Variants in ATP13A3 observed in about 807,000 individuals in gnomAD.
ATP13A3 encodes polyamine-transporting ATPase 13A3.
In ATP13A3, 59 loss-of-function variants were observed where a neutral mutation model predicts 158.1. The ratio of observed to expected loss-of-function variants is 0.37; its 90% CI spans 0.30 to 0.46. ATP13A3 has a LOEUF of 0.46. ATP13A3 is among the 20% of genes least tolerant of loss of function. The pLI, the probability that ATP13A3 is intolerant of heterozygous loss-of-function variation, is 1.00. For missense variants in ATP13A3, 1,166 were observed against 1,525.2 expected (o/e 0.76, Z 3.92); for synonymous variants, 491 against 504.3 (o/e 0.97, Z 0.35).
rs1714803925 is a variant in ATP13A3, at chr3:194,404,467, G to C, written c.*1452C>G. On this transcript the variant is annotated 3_prime_UTR_variant, in exon 34 of 34. Transcript: ENST00000645319. ...GGAAAAGAATGATCAGCTAGAAGTA[G>C]AAAGCACGAGCAAGCATGTTACTGG... 1 of 190,328 alleles carries C rather than the reference G, an allele frequency of 5.3e-6. No homozygotes were observed. The allele number at this position is 190,328 out of a possible 1,614,324, so 11.8% of individuals were successfully genotyped here.
At chr3:194,413,284 G>A (rs1715571386) in intron 32 of ATP13A3, among the ~76,000 whole-genome samples, 1 of 152,136 alleles carries the variant, frequency 6.6e-6, no homozygotes, top group African/African-American at 2.4e-5. Context: ...GCTGAAATTA[G>A]GTAAGTCCAT....
chr3:194,417,670 G>A (rs1715963912), intron 31 of ATP13A3, among the ~76,000 whole-genome samples: 1 of 152,118 alleles, frequency 6.6e-6, no homozygotes, highest in African/African-American at 2.4e-5. Context: ...CAGGCGCCAT[G>A]GCTCATGCCT....
chr3:194,416,234 T>G (rs1038394959), intron 31 of ATP13A3, among the ~76,000 whole-genome samples: 16 of 151,990 alleles, frequency 1.1e-4, no homozygotes, highest in African/African-American at 2.9e-4. Context: ...CCACGGTGGG[T>G]GGATCGTGAG....
intron 33 of ATP13A3, among the ~76,000 whole-genome samples, chr3:194,408,374 T>C (rs915476926): frequency 3.3e-5 from 5 of 152,184 alleles, no homozygotes; most frequent in Non-Finnish European, 1.5e-5. Context: ...AATAAACTAA[T>C]GTTGACTGCT....
chr3:194,454,770 A>G (rs977469204), intron 8 of ATP13A3, among the ~76,000 whole-genome samples: 2 of 151,454 alleles, frequency 1.3e-5, no homozygotes, highest in African/African-American at 4.9e-5. Context: ...CAGAGCTTGC[A>G]GTGAGCCGAG....
rs1186662247 is a variant in ATP13A3, at chr3:194,403,531, C to A, written c.*2388G>T. On this transcript the variant is annotated 3_prime_UTR_variant, in exon 34 of 34. Coordinates refer to ENST00000645319, the MANE Select transcript of ATP13A3 (RefSeq NM_001367549.1). Reference sequence around the variant, plus strand: ...TATCATTATTTAACAATTACTTTCCCAGACATTTCTGTCCTTTAAGTATGT... The same window carrying A: ...TATCATTATTTAACAATTACTTTCCAAGACATTTCTGTCCTTTAAGTATGT... 2 of 152,152 alleles carry A rather than the reference C, an allele frequency of 1.3e-5. No homozygotes were observed. The highest frequency in any genetic ancestry group is 2.9e-5 in the Non-Finnish European group (2 of 68,014). 9.4% of individuals were successfully genotyped at this position (152,152 alleles called of 1,614,324 possible).
chr3:194,484,141 T>C (rs1342351329), intron 2 of ATP13A3, among the ~76,000 whole-genome samples: 1 of 152,216 alleles, frequency 6.6e-6, no homozygotes, highest in Non-Finnish European at 1.5e-5. Context: ...ACTAACCTTA[T>C]AAACCCAGAG....
chr3:194,427,647 A>C (rs1030479259), intron 28 of ATP13A3, among the ~76,000 whole-genome samples: 1,217 of 112,752 alleles, frequency 0.011, 10 homozygotes, highest in Admixed American at 0.014. Context: ...ATAAATAAAT[A>C]AATAAATAAA....
intron 2 of ATP13A3, among the ~76,000 whole-genome samples, chr3:194,476,159 C>T (rs977508969): frequency 1.3e-5 from 2 of 152,190 alleles, no homozygotes; most frequent in African/African-American, 4.8e-5. Flanking sequence ...TCACATTACA[C>T]TAGCCTGGGT....
At position 194,448,493 on chromosome 3, in the gene ATP13A3, T is replaced by C. The variant is rs758815617; in HGVS notation, c.1114A>G (p.Thr372Ala). Residue 372 changes from threonine (T) to alanine (A), a missense_variant, in exon 12 of 34, where the codon ACT becomes GCT. Around this residue, in one of 3 missense-constraint regions of ATP13A3, gnomAD observed 997 missense variants for 1,341.2 expected, o/e 0.74. Transcript: ENST00000645319. This position sits in a 1 kb window ranked among gnomAD's most constrained non-coding sequence, Gnocchi z 4.0. The part of the protein sequence containing the change: ...GTTVIQTRFY[T>A]GELVKAIVVR... ...ACTATGGCTTTGACGAGTTCTCCAG[T>C]GTAGAAACGAGTCTGAATAACAGTT... 1.5e-5 allele frequency: 25 copies of C among 1,614,040 alleles called. No individual in the cohort carries two copies. The highest frequency in any genetic ancestry group is 1.1e-4 in the East Asian group (5 of 44,882).
Position 194,427,271 on chromosome 3 carries a change from G to C in ATP13A3, c.2948-19C>G, listed in dbSNP as rs1279715988. On this transcript the variant is annotated intron_variant, in intron 28 of 33. Transcript: ENST00000645319. Reference sequence around the variant, plus strand: ...AAACTCACTATATTGAAAAGAAAAAGAGGAAAGGTTTGTATTTACATTAAT... The same window carrying C: ...AAACTCACTATATTGAAAAGAAAAACAGGAAAGGTTTGTATTTACATTAAT... 6.3e-7 allele frequency: 1 copy of C among 1,574,834 alleles called. No individual in the cohort carries two copies. Among genetic ancestry groups the C allele is most frequent in the Non-Finnish European group, 8.6e-7 (1 of 1,165,616 alleles).
chr3:194,471,751 C>G (rs566163462), intron 2 of ATP13A3, among the ~76,000 whole-genome samples: 1 of 152,198 alleles, frequency 6.6e-6, no homozygotes, highest in Non-Finnish European at 1.5e-5. Context: ...ACAACTTCAT[C>G]CCCAAAACAA....
rs1421985147 is a variant in ATP13A3 at position 194,403,473 on chromosome 3, CTTG to C, written c.*2443_*2445del. Reference sequence around the variant, plus strand: ...CCTGAGGGAGACACACATTAAAAATCTTGTTATTTATTTAAAAAGTTAAAAAGT... The same window carrying C: ...CCTGAGGGAGACACACATTAAAAATCTTATTTATTTAAAAAGTTAAAAAGT... On this transcript the variant is annotated 3_prime_UTR_variant, in exon 34 of 34. Transcript: ENST00000645319. The C allele has an allele frequency of 1.3e-5, 2 of 152,150 alleles. No individual in the cohort carries two copies. Among genetic ancestry groups the C allele is most frequent in the Non-Finnish European group, 2.9e-5 (2 of 68,006 alleles). The allele number at this position is 152,150 out of a possible 1,614,324, so 9.4% of individuals were successfully genotyped here.
chr3:194,456,497 G>A (rs1719239454), intron 7 of ATP13A3, among the ~76,000 whole-genome samples: 1 of 152,024 alleles, frequency 6.6e-6, no homozygotes, highest in Non-Finnish European at 1.5e-5. Context: ...AAGTCTAAAT[G>A]AGTGAATTTT....
upstream of ATP13A3, among the ~76,000 whole-genome samples, chr3:194,489,192 C>T (rs1351216314): frequency 6.6e-6 from 1 of 152,222 alleles, no homozygotes; most frequent in Admixed American, 6.5e-5. The surrounding 1 kb of genome is among the most constrained non-coding windows in gnomAD (Gnocchi z 4.1). Context: ...TGCCTGTAAT[C>T]CCAGCACTTT....
intron 33 of ATP13A3, among the ~76,000 whole-genome samples, chr3:194,411,939 C>T (rs568586348): frequency 6.6e-6 from 1 of 152,128 alleles, no homozygotes; most frequent in African/African-American, 2.4e-5. Context: ...AATAGAAGAT[C>T]AGGATTGGAA....
At chr3:194,469,912 G>C (rs1224161649) in intron 2 of ATP13A3, among the ~76,000 whole-genome samples, 2 of 152,124 alleles carry the variant, frequency 1.3e-5, no homozygotes, top group Non-Finnish European at 2.9e-5. Flanking sequence ...CTTAACTTTA[G>C]TCATTGAACA....
intron 31 of ATP13A3, 106 bp from the exon 32 acceptor site, chr3:194,413,945 C>T (rs1715625612): frequency 1.1e-6 from 1 of 890,848 alleles, no homozygotes. Context: ...GTACCAAACA[C>T]CTTCATATAC....
intron 2 of ATP13A3, among the ~76,000 whole-genome samples, chr3:194,462,516 T>C (rs1397450923): frequency 1.3e-5 from 2 of 152,044 alleles, no homozygotes; most frequent in African/African-American, 4.8e-5. Context: ...GTGCTCCTTA[T>C]GAGAATCTAA....
Sources: allele counts gnomAD v4.1 joint callset (sites outside exome capture counted in the v4.1 genomes callset), GRCh38; gene constraint gnomAD v4.1.1; regional missense constraint gnomAD v4.1.1; non-coding constraint Gnocchi (gnomAD v3.1); transcripts MANE v1.5; gene names NCBI Gene and HGNC (gene_info 2026-07-23, HGNC 2026-07-21).